RGS9: variants seen among roughly 807,000 people sequenced by gnomAD.
The protein encoded by RGS9 is regulator of G protein signaling 9, also known as regulator of G-protein signalling 9.
In RGS9, 78 loss-of-function variants were observed where a neutral mutation model predicts 102.0. The ratio of observed to expected loss-of-function variants is 0.76; its 90% confidence interval spans 0.64 to 0.92. RGS9 has a LOEUF of 0.92. Ranked by LOEUF, RGS9 falls within the 40% of genes least tolerant of loss-of-function variation. The pLI is 0.00. For synonymous variants in RGS9, 353 were observed against 318.6 expected, an observed-to-expected ratio of 1.11 and a Z score of -1.15; for missense variants, 833 against 866.1, an observed-to-expected ratio of 0.96 and a Z score of 0.48.
Position 65,160,519 on chromosome 17 carries a change from C to G in RGS9, c.313-17C>G, listed in dbSNP as rs371524972. On this transcript the variant is annotated splice_polypyrimidine_tract_variant and intron_variant, in intron 4 of 18. Transcript: ENST00000262406. ...CAATCCAGTTTTAAAGCGTGGTTTCCCTGGTTTCTTTTGCAGACACCGTAT... is the reference window on the plus strand; with the variant it reads ...CAATCCAGTTTTAAAGCGTGGTTTCGCTGGTTTCTTTTGCAGACACCGTAT... 5 of 1,614,146 alleles carry G rather than the reference C, an allele frequency of 3.1e-6. No homozygotes were observed. The highest frequency in any genetic ancestry group is 1.3e-5 in the African/African-American group (1 of 75,032).
At position 65,223,616 on chromosome 17, in the gene RGS9, C is replaced by T. The variant is rs557564679; in HGVS notation, c.1408-1386C>T. On this transcript the variant is annotated intron_variant, in intron 17 of 18. Transcript: ENST00000262406. ...TCAGCCCGGGGGCAGTGCCCAGATC[C>T]CGGGGTCAGCCAGCTCTCACTGAGC... is the stretch of plus-strand genomic sequence containing the variant. Among the ~76,000 whole-genome samples, 25 of 152,360 alleles carry T rather than the reference C, an allele frequency of 1.6e-4. No individual in the cohort carries two copies. The South Asian group carries it at 5.0e-3, about 30-fold the overall frequency.
At chr17:65,204,588 G>A (rs1340977951) in intron 15 of RGS9, among the ~76,000 whole-genome samples, 1 of 152,028 alleles carries the variant, frequency 6.6e-6, no homozygotes, top group Non-Finnish European at 1.5e-5. Flanking sequence ...CCCCAGAATT[G>A]TCAACCGTCT....
intron 1 of RGS9, among the ~76,000 whole-genome samples, chr17:65,137,834 G>C (rs73345861): frequency 0.06 from 9,144 of 152,334 alleles, 447 homozygotes; most frequent in African/African-American, 0.14. Flanking sequence ...TCTGCGGGAG[G>C]TGAAAACAAC....
At chr17:65,212,847 A>G (rs1913355906) in intron 17 of RGS9, among the ~76,000 whole-genome samples, 2 of 152,118 alleles carry the variant, frequency 1.3e-5, no homozygotes, top group African/African-American at 4.8e-5. Context: ...AGAAATGTAA[A>G]CCATTGTAAA....
rs1454426612 is a variant in RGS9 at position 65,225,176 on chromosome 17, G to A, written c.1582G>A (p.Val528Met). The change falls in exon 18 of 19, where the codon GTG (valine) becomes ATG (methionine). Residue 528 changes from valine (V) to methionine (M), a missense_variant. Transcript: ENST00000262406. ...STTICPSPIR[V>M]ALESSSGLEQ... is the part of the protein sequence containing the mutation. ...CACCATCTGCCCCTCACCCATCAGA[G>A]TGGCCTTGGAGAGCTCATCGGGCTT... 7 of 1,613,490 alleles carry A rather than the reference G, an allele frequency of 4.3e-6. No homozygotes were observed. In the Admixed American group the frequency reaches 5.0e-5, roughly 12 times the overall value.
At chr17:65,138,994 C>T (rs867721613) in intron 1 of RGS9, among the ~76,000 whole-genome samples, 60 of 143,678 alleles carry the variant, frequency 4.2e-4, no homozygotes, top group Middle Eastern at 3.7e-3. Flanking sequence ...CCTCCTCCAC[C>T]CCAGCATCCC....
intron 9 of RGS9, among the ~76,000 whole-genome samples, chr17:65,182,591 C>T (rs1432048311): frequency 6.6e-6 from 1 of 152,214 alleles, no homozygotes; most frequent in Non-Finnish European, 1.5e-5. Flanking sequence ...TTCTGCATTT[C>T]CTGAAGTCCA....
intron 2 of RGS9, among the ~76,000 whole-genome samples, chr17:65,156,797 C>T (rs748081434): frequency 7.2e-5 from 11 of 152,134 alleles, no homozygotes; most frequent in Non-Finnish European, 1.5e-4. Context: ...AAGAGAGAGA[C>T]TTGGTGTGGA....
chr17:65,170,648 T>C (rs1425887639), intron 8 of RGS9, among the ~76,000 whole-genome samples: 1 of 152,180 alleles, frequency 6.6e-6, no homozygotes, highest in Non-Finnish European at 1.5e-5. Flanking sequence ...ACTGCTGCTC[T>C]AAGAAGCCGA....
Position 65,197,144 on chromosome 17 carries a change from G to A in RGS9, c.879G>A (p.Lys293=), listed in dbSNP as rs1258139802. Residue 293 remains lysine, a synonymous_variant, in exon 13 of 19, where the codon AAG becomes AAA. Coordinates refer to ENST00000262406, the MANE Select transcript of RGS9 (RefSeq NM_003835.4). ...LNAKLVEIPT[K]MRVERWAFNF... ...CTTGCAGGGTGGAAATCCCAACCAAGATGCGAGTGGAACGATGGGCCTTCA... is the reference window on the plus strand; with the variant it reads ...CTTGCAGGGTGGAAATCCCAACCAAAATGCGAGTGGAACGATGGGCCTTCA... 1 of 1,613,688 alleles carries A rather than the reference G, an allele frequency of 6.2e-7. No homozygotes were observed. Among genetic ancestry groups the A allele is most frequent in the Non-Finnish European group, 8.5e-7 (1 of 1,179,744 alleles).
chr17:65,153,663 GGGTGGATCACAAGGTCA>G, intron 2 of RGS9, 145 bp downstream of exon 2: 1 of 683,264 alleles, frequency 1.5e-6, no homozygotes, highest in Admixed American at 2.1e-5. Context: ...AGGCCGAGGC[GGGTGGATCACAAGGTCA>G]GGAGATCAAG....
chr17:65,184,631 G>A (rs936430961), intron 9 of RGS9, among the ~76,000 whole-genome samples: 5 of 151,980 alleles, frequency 3.3e-5, no homozygotes, highest in Non-Finnish European at 7.4e-5. Context: ...ACCTTTGTCC[G>A]ATCCCCAAAG....
intron 12 of RGS9, among the ~76,000 whole-genome samples, chr17:65,196,787 C>T (rs1302133217): frequency 6.6e-6 from 1 of 152,216 alleles, no homozygotes; most frequent in Non-Finnish European, 1.5e-5. Flanking sequence ...CAGCCTGACC[C>T]TCTGCTGGCC....
chr17:65,148,480 A>T (rs1046187881), intron 1 of RGS9, among the ~76,000 whole-genome samples: 1 of 152,104 alleles, frequency 6.6e-6, no homozygotes, highest in African/African-American at 2.4e-5. Context: ...AATTTTTCTG[A>T]TGAACCTCCA....
chr17:65,210,905 A>C (rs978337770), intron 17 of RGS9, among the ~76,000 whole-genome samples: 1 of 151,994 alleles, frequency 6.6e-6, no homozygotes, highest in Non-Finnish European at 1.5e-5. Flanking sequence ...ACCTGACTCA[A>C]TTGCTGTGTG....
intron 16 of RGS9, 82 bp from the exon 17 acceptor site, chr17:65,210,406 C>T: frequency 2.0e-6 from 3 of 1,504,280 alleles, no homozygotes; most frequent in Non-Finnish European, 2.8e-6. Context: ...CTTCCAGCCC[C>T]AGCTCCCATC....
chr17:65,166,962 A>G (rs1346242648), intron 7 of RGS9, among the ~76,000 whole-genome samples: 1 of 152,132 alleles, frequency 6.6e-6, no homozygotes, highest in African/African-American at 2.4e-5. Context: ...GTTAACGGGG[A>G]GATGAATTCG....
At chr17:65,215,487 TCG>T (rs199986936) in intron 17 of RGS9, among the ~76,000 whole-genome samples, 22 of 111,162 alleles carry the variant, frequency 2.0e-4, no homozygotes, top group East Asian at 1.8e-3. Context: ...TATCTTTCTT[TCG>T]TTCTTTCGTT....
chr17:65,188,840 C>T (rs766764702), intron 9 of RGS9: 12 of 195,948 alleles, frequency 6.1e-5, no homozygotes, highest in Non-Finnish European at 1.2e-4. Flanking sequence ...GCCTCAAACT[C>T]CTGGGCTCAA....
Sources: allele counts gnomAD v4.1 joint callset (sites outside exome capture counted in the v4.1 genomes callset), GRCh38; gene constraint gnomAD v4.1.1; transcripts MANE v1.5; gene names NCBI Gene and HGNC (gene_info 2026-07-23, HGNC 2026-07-21).